Variants in GRM7 observed in about 807,000 individuals in gnomAD.
GRM7 encodes the protein glutamate metabotropic receptor 7.
A neutral mutation model predicts 84.5 loss-of-function variants in GRM7; 35 were observed. That is an observed-to-expected ratio of 0.41 (90% CI 0.32 to 0.55). The LOEUF is 0.55. Among genes scored for constraint, GRM7 ranks in the 20% least tolerant of loss-of-function variants. The pLI is 0.19. For missense variants in GRM7, 1,003 were observed against 1,194.6 expected (o/e 0.84, Z 2.36); for synonymous variants, 487 against 455.1 (o/e 1.07, Z -0.89).
chr3:7,092,899 A>G (rs1291201720), intron 1 of GRM7, among the ~76,000 whole-genome samples: 1 of 152,192 alleles, frequency 6.6e-6, no homozygotes, highest in East Asian at 1.9e-4. Context: ...CCTGGACAAC[A>G]TAGTGACACC....
intron 1 of GRM7, among the ~76,000 whole-genome samples, chr3:7,124,551 C>A (rs527467739): frequency 4.6e-5 from 7 of 152,032 alleles, no homozygotes; most frequent in African/African-American, 1.7e-4. Flanking sequence ...AGATTTGGAA[C>A]CTGGCAAACC....
intron 5 of GRM7, among the ~76,000 whole-genome samples, chr3:7,419,747 A>G (rs912363422): frequency 6.6e-6 from 1 of 152,228 alleles, no homozygotes; most frequent in African/African-American, 2.4e-5. Flanking sequence ...GCTGAAAAGC[A>G]GGAACTCAGC....
At chr3:7,705,394 T>C (rs955267282) in intron 9 of GRM7, among the ~76,000 whole-genome samples, 2 of 152,172 alleles carry the variant, frequency 1.3e-5, no homozygotes, top group African/African-American at 4.8e-5. Flanking sequence ...TGCATCAAAA[T>C]GGCATGAGGT....
rs371390822 is a variant in GRM7 at position 7,692,895 on chromosome 3, G to A, written c.2698+12600G>A. On this transcript the variant is annotated intron_variant, in intron 9 of 9. Transcript: ENST00000357716. ...GAGGCCCTCAGTTTGCTAAAGATTA[G>A]ATAGGTCCTCCAGGGTTTCAAGGAG... Among the ~76,000 whole-genome samples the A allele has an allele frequency of 1.2e-4, 18 of 152,032 alleles. No individual in the cohort carries two copies. In the South Asian group the frequency reaches 3.1e-3, roughly 26 times the overall value.
In GRM7 at chr3:7,686,801, G is replaced by T. The variant is rs1196516445; in HGVS notation, c.2698+6506G>T. ...CTCAATGTATGTTTTCCTACTGTGG[G>T]CTTAGAAGGCAGTGTGGAAAACCTA... On this transcript the variant is annotated intron_variant, in intron 9 of 9. Transcript: ENST00000357716. Among the ~76,000 whole-genome samples, 8 of 152,130 alleles carry T rather than the reference G, an allele frequency of 5.3e-5. 1 individual carries two copies.
intron 5 of GRM7, among the ~76,000 whole-genome samples, chr3:7,451,309 A>G (rs904919340): frequency 6.6e-6 from 1 of 152,206 alleles, no homozygotes; most frequent in African/African-American, 2.4e-5. Flanking sequence ...AATGTCTTGG[A>G]CACCTGGTAG....
chr3:6,900,714 G>T (rs1031190629), intron 1 of GRM7, among the ~76,000 whole-genome samples: 3 of 152,146 alleles, frequency 2.0e-5, no homozygotes, highest in Non-Finnish European at 4.4e-5. Flanking sequence ...TTCTTTTAAG[G>T]ATATATTTGA....
intron 1 of GRM7, among the ~76,000 whole-genome samples, chr3:7,093,676 C>CAAAAAAAAAAAAAAAA (rs1209938099): frequency 7.2e-5 from 1 of 13,940 alleles, no homozygotes; most frequent in African/African-American, 2.7e-4. Context: ...GACTCTGTCT[C>CAAAAAAAAAAAAAAAA]AAAAAAAAAA....
intron 2 of GRM7, among the ~76,000 whole-genome samples, chr3:7,215,121 G>C (rs748646761): frequency 4.6e-5 from 7 of 152,158 alleles, no homozygotes; most frequent in Non-Finnish European, 1.0e-4. Context: ...GCATCACATA[G>C]GGAGTTTGCT....
intron 2 of GRM7, among the ~76,000 whole-genome samples, chr3:7,244,066 T>A (rs1372590268): frequency 6.6e-6 from 1 of 152,132 alleles, no homozygotes; most frequent in African/African-American, 2.4e-5. Context: ...AGGCCTAGGA[T>A]GTTACTATAC....
intron 7 of GRM7, among the ~76,000 whole-genome samples, chr3:7,468,771 T>C (rs1420479244): frequency 1.3e-5 from 2 of 151,804 alleles, no homozygotes; most frequent in African/African-American, 4.9e-5. Flanking sequence ...GATCTGATGC[T>C]TTTGTAAGTG....
chr3:7,454,088 A>ACTCT (rs1284686500), intron 6 of GRM7, among the ~76,000 whole-genome samples: 90 of 111,732 alleles, frequency 8.1e-4, no homozygotes, highest in African/African-American at 2.0e-3. Context: ...AGCTACACAC[A>ACTCT]CACTCTCTCT....
intron 1 of GRM7, among the ~76,000 whole-genome samples, chr3:6,951,759 A>G (rs1692778727): frequency 6.6e-6 from 1 of 152,196 alleles, no homozygotes; most frequent in African/African-American, 2.4e-5. Context: ...GGAAGGTTCT[A>G]TAAATGTCAA....
At position 7,188,320 on chromosome 3, in the gene GRM7, A is replaced by G. The variant is rs892531120; in HGVS notation, c.736+41652A>G. ...TATAGACCCAAAGAACTTTATAGGT[A>G]GGTATGTTATATAATATAATCTGTA... On this transcript the variant is annotated intron_variant, in intron 2 of 9. Transcript: ENST00000357716. This position sits in a 1 kb window ranked among gnomAD's most constrained non-coding sequence, Gnocchi z 4.2. 4.6e-5 allele frequency among the ~76,000 whole-genome samples: 7 copies of G among 152,194 alleles called. No homozygotes were observed. The highest frequency in any genetic ancestry group is 1.0e-4 in the Non-Finnish European group (7 of 68,036).
intron 1 of GRM7, among the ~76,000 whole-genome samples, chr3:6,895,852 G>T (rs762216742): frequency 1.2e-4 from 18 of 151,836 alleles, no homozygotes; most frequent in Non-Finnish European, 1.9e-4. Context: ...TTGCTGTTTG[G>T]AATAAGATTG....
chr3:7,569,557 G>C (rs1297511292), intron 7 of GRM7, among the ~76,000 whole-genome samples: 1 of 152,116 alleles, frequency 6.6e-6, no homozygotes, highest in Admixed American at 6.5e-5. Flanking sequence ...GCCAGCAGTG[G>C]CAACCTGCTG....
At position 6,861,989 on chromosome 3, in the gene GRM7, G is replaced by T. The variant is rs957860682; in HGVS notation, c.519+82G>T. On this transcript the variant is annotated intron_variant, in intron 1 of 9. Transcript: ENST00000357716. This position sits in a 1 kb window ranked among gnomAD's most constrained non-coding sequence, Gnocchi z 6.4. ...CTAAAAGCTGGCTTGGACTCCGGTGGTGCGGGTCAGGTCAGCCTTCGCTCA... is the reference window on the plus strand; with the variant it reads ...CTAAAAGCTGGCTTGGACTCCGGTGTTGCGGGTCAGGTCAGCCTTCGCTCA... 21 of 1,205,970 alleles carry T rather than the reference G, an allele frequency of 1.7e-5. No individual in the cohort carries two copies. Among genetic ancestry groups the T allele is most frequent in the Non-Finnish European group, 2.2e-5 (19 of 853,528 alleles). 74.7% of individuals were successfully genotyped at this position (1,205,970 alleles called of 1,614,324 possible).
intron 1 of GRM7, among the ~76,000 whole-genome samples, chr3:6,970,900 T>G (rs771685572): frequency 4.6e-5 from 7 of 152,020 alleles, no homozygotes; most frequent in East Asian, 1.9e-4. Context: ...GAGAATGGCG[T>G]GAACCCGGGA....
Position 7,740,266 on chromosome 3 carries a change from C to G in GRM7, c.2699-91C>G. 6.1e-6 allele frequency: 5 copies of G among 820,598 alleles called. No homozygotes were observed. In the South Asian group the frequency reaches 7.8e-5, roughly 13 times the overall value. 50.8% of individuals were successfully genotyped at this position (820,598 alleles called of 1,614,324 possible). On this transcript the variant is annotated intron_variant, in intron 9 of 9. Coordinates refer to ENST00000357716, the MANE Select transcript of GRM7 (RefSeq NM_000844.4). ...TCAGAGCTGTATCACCTCACTTTGA[C>G]TTTGCACCTCAAGTGAAAAGTTCTA...
Sources: gnomAD v4.1 joint callset for allele counts (sites outside exome capture counted in the v4.1 genomes callset) on GRCh38, gnomAD v4.1.1 for gene constraint, Gnocchi (gnomAD v3.1) non-coding constraint, MANE v1.5 for transcripts, NCBI Gene and HGNC (gene_info 2026-07-23, HGNC 2026-07-21) for gene names.